The following SLC39A8 variants were observed in gnomAD, a reference collection of about 807,000 sequenced individuals.
SLC39A8 encodes the protein solute carrier family 39 member 8, also known as metal cation symporter ZIP8.
Under a neutral mutation model 40.4 loss-of-function variants are expected in SLC39A8, and 15 were observed. That is an observed-to-expected ratio of 0.37 (90% CI 0.25 to 0.57). The LOEUF (loss-of-function observed/expected upper bound fraction) is 0.57, where lower values mean the gene tolerates loss of function less well. Ranked by LOEUF, SLC39A8 falls within the 20% of genes least tolerant of loss-of-function variation. SLC39A8 has a pLI of 0.75. For synonymous variants in SLC39A8, 223 were observed against 221.6 expected (o/e 1.01, Z -0.06); for missense variants, 472 against 558.8 (o/e 0.84, Z 1.57).
chr4:102,284,744 G>A (rs950592170), intron 6 of SLC39A8, among the ~76,000 whole-genome samples: 2 of 152,064 alleles, frequency 1.3e-5, no homozygotes, highest in African/African-American at 4.8e-5. Flanking sequence ...GACTATTTTT[G>A]CAAAAGTGAT....
chr4:102,304,081 G>A (rs1224664222), intron 6 of SLC39A8, among the ~76,000 whole-genome samples: 1 of 151,830 alleles, frequency 6.6e-6, no homozygotes, highest in Non-Finnish European at 1.5e-5. Context: ...TAATCTTAGA[G>A]AATAATGAAG....
At chr4:102,284,000 T>C (rs1578573761) in intron 6 of SLC39A8, among the ~76,000 whole-genome samples, 1 of 152,350 alleles carries the variant, frequency 6.6e-6, no homozygotes, top group South Asian at 2.1e-4. Flanking sequence ...AACTTAAATG[T>C]GTTCTCCTTG....
At chr4:102,294,145 T>C (rs192807260) in intron 6 of SLC39A8, among the ~76,000 whole-genome samples, 79 of 152,178 alleles carry the variant, frequency 5.2e-4, no homozygotes, top group African/African-American at 1.8e-3. Flanking sequence ...ACCACAGATT[T>C]GGAGAATACA....
chr4:102,256,540 CTAGA>C (rs1731712144), intron 11 of SLC39A8, among the ~76,000 whole-genome samples: 2 of 152,140 alleles, frequency 1.3e-5, no homozygotes, highest in South Asian at 4.1e-4. Context: ...TCAAAACATC[CTAGA>C]TATTTTTCTC....
chr4:102,313,439 A>G (rs1734530537), intron 3 of SLC39A8, among the ~76,000 whole-genome samples: 2 of 152,104 alleles, frequency 1.3e-5, no homozygotes, highest in South Asian at 4.1e-4. Flanking sequence ...TATTTCTTTT[A>G]TTCATATAGA....
chr4:102,252,781 A>G (rs538208254), exon 12 of SLC39A8: 100 of 152,192 alleles, frequency 6.6e-4, no homozygotes, highest in African/African-American at 2.3e-3. Context: ...AAGTGCCACA[A>G]CTGGGTAGCT....
chr4:102,272,653 T>G (rs1156440597), intron 6 of SLC39A8, among the ~76,000 whole-genome samples: 1 of 152,024 alleles, frequency 6.6e-6, no homozygotes, highest in Non-Finnish European at 1.5e-5. Context: ...AAAGAATTCT[T>G]ACTGACAGGC....
Position 102,263,433 on chromosome 4 carries a change from T to C in SLC39A8, c.1234-240A>G, listed in dbSNP as rs7672806. Among the ~76,000 whole-genome samples, 26,177 of 152,122 alleles carry C rather than the reference T, an allele frequency of 0.17. 2,523 individuals are homozygous for C. Among genetic ancestry groups the C allele is most frequent in the South Asian group, 0.35 (1,694 of 4,824 alleles). ...TAGCATAATATCTAAAAAGGCAATG[T>C]ATATACCATAATTTAAAAAAATACT... On this transcript the variant is annotated intron_variant, in intron 8 of 8. Transcript: ENST00000356736.
At chr4:102,326,625 T>G (rs1560565607) in intron 2 of SLC39A8, among the ~76,000 whole-genome samples, 1 of 152,212 alleles carries the variant, frequency 6.6e-6, no homozygotes, top group African/African-American at 2.4e-5. Context: ...ATTAAATATT[T>G]TCAAGTTTTC....
intron 6 of SLC39A8, among the ~76,000 whole-genome samples, chr4:102,302,799 T>C (rs1229428772): frequency 6.6e-6 from 1 of 152,032 alleles, no homozygotes; most frequent in Non-Finnish European, 1.5e-5. Context: ...TCTAACGTTC[T>C]AGGCATAGTC....
intron 3 of SLC39A8, among the ~76,000 whole-genome samples, chr4:102,310,922 C>G (rs181890087): frequency 6.6e-6 from 1 of 152,036 alleles, no homozygotes; most frequent in Non-Finnish European, 1.5e-5. Context: ...CTTCTAAGAA[C>G]TTTACCTATT....
At chr4:102,271,204 G>T (rs1338274003) in intron 6 of SLC39A8, among the ~76,000 whole-genome samples, 1 of 152,016 alleles carries the variant, frequency 6.6e-6, no homozygotes, top group Non-Finnish European at 1.5e-5. Context: ...GCAGGAAGAG[G>T]ACTAAAAGGA....
At chr4:102,297,073 A>T (rs558339203) in intron 6 of SLC39A8, among the ~76,000 whole-genome samples, 2 of 152,254 alleles carry the variant, frequency 1.3e-5, no homozygotes, top group Admixed American at 6.5e-5. Flanking sequence ...GAATAATTTA[A>T]TTTAATTTTA....
chr4:102,331,421 T>C (rs1735458720), intron 2 of SLC39A8, among the ~76,000 whole-genome samples: 1 of 152,100 alleles, frequency 6.6e-6, no homozygotes, highest in African/African-American at 2.4e-5. Context: ...TCACAATTGC[T>C]ACAAAGAGAA....
rs143730688 is a variant in SLC39A8, at chr4:102,285,907, C to A, written c.841-17828G>T. ...TACAATAAAACACCTTATGGTTTGG[C>A]AAATCTTTCATCATGCAATCCACTG... On this transcript the variant is annotated intron_variant, in intron 6 of 8. Transcript: ENST00000356736. Among the ~76,000 whole-genome samples the A allele has an allele frequency of 2.8e-3, 425 of 152,248 alleles. 5 individuals carry two copies. The highest frequency in any genetic ancestry group is 9.4e-3 in the African/African-American group (391 of 41,560).
At chr4:102,296,507 C>T (rs1375451302) in intron 6 of SLC39A8, among the ~76,000 whole-genome samples, 1 of 152,024 alleles carries the variant, frequency 6.6e-6, no homozygotes, top group Non-Finnish European at 1.5e-5. Context: ...ATGTATTAGA[C>T]ACAATGTTGC....
At chr4:102,329,640 A>T (rs76010330) in intron 2 of SLC39A8, among the ~76,000 whole-genome samples, 2 of 151,726 alleles carry the variant, frequency 1.3e-5, no homozygotes, top group Admixed American at 1.3e-4. Flanking sequence ...AAAAAAAAAA[A>T]AGATTCAAGT....
At chr4:102,308,595 G>A (rs150090781) in intron 3 of SLC39A8, among the ~76,000 whole-genome samples, 1 of 152,164 alleles carries the variant, frequency 6.6e-6, no homozygotes, top group African/African-American at 2.4e-5. Context: ...ATACAACGTG[G>A]CCTCAGGGCT....
intron 6 of SLC39A8, among the ~76,000 whole-genome samples, chr4:102,288,618 A>T (rs1733290522): frequency 6.6e-6 from 1 of 152,150 alleles, no homozygotes; most frequent in Admixed American, 6.6e-5. Context: ...GCAAAGGAGA[A>T]CTTCTTGAAG....
Sources: allele counts gnomAD v4.1 joint callset (sites outside exome capture counted in the v4.1 genomes callset), GRCh38; gene constraint gnomAD v4.1.1; transcripts MANE v1.5; gene names NCBI Gene and HGNC (gene_info 2026-07-23, HGNC 2026-07-21).